Variants in ZUP1 observed in about 807,000 individuals in gnomAD.
ZUP1 encodes zinc finger-containing ubiquitin peptidase 1.
In ZUP1, 55 loss-of-function variants were observed where a neutral mutation model predicts 68.1. The observed-to-expected ratio is 0.81, with a 90% CI of 0.65 to 1.01. ZUP1 has a LOEUF of 1.01. Ranked by LOEUF, ZUP1 falls within the 50% of genes least tolerant of loss-of-function variation. The pLI is 0.00. For missense variants in ZUP1, 684 were observed against 674.9 expected (o/e 1.01, Z -0.15); for synonymous variants, 223 against 221.5 (o/e 1.01, Z -0.06).
chr6:116,657,473 A>G (rs1260754110), intron 4 of ZUP1, among the ~76,000 whole-genome samples: 2 of 152,244 alleles, frequency 1.3e-5, no homozygotes, highest in Non-Finnish European at 2.9e-5. Context: ...TTTAAATTAC[A>G]TAAGGCATAA....
At position 116,647,504 on chromosome 6, in the gene ZUP1, T is replaced by C. The variant is rs376002666; in HGVS notation, c.1423A>G (p.Lys475Glu). Residue 475 changes from lysine (K) to glutamate (E), a missense_variant, in exon 8 of 10, where the codon AAG becomes GAG. Transcript: ENST00000368576. The stretch of plus-strand genomic sequence containing the variant: ...GGAGGTTTAGATGTACACACTACCT[T>C]TGGACTCCCTTCTCCCTCTGAAGAA... ...YYSSEGEGSP[K>E]VVCTSKPPIY... 10 of 1,598,352 alleles carry C rather than the reference T, an allele frequency of 6.3e-6. No homozygotes were observed. The highest frequency in any genetic ancestry group is 1.3e-5 in the African/African-American group (1 of 74,760).
chr6:116,657,004 AACACACACAC>A (rs3033987), intron 4 of ZUP1, 152 bp from the exon 5 acceptor site: 2 of 413,116 alleles, frequency 4.8e-6, no homozygotes, highest in African/African-American at 4.3e-5. Flanking sequence ...AAAAACTAAT[AACACACACAC>A]ACACACACAC....
chr6:116,665,883 A>ACCTGGCTC (rs1260845704), intron 2 of ZUP1, among the ~76,000 whole-genome samples: 4 of 151,268 alleles, frequency 2.6e-5, no homozygotes, highest in African/African-American at 9.7e-5. Flanking sequence ...GAGCCACAAC[A>ACCTGGCTC]CCTGGCTCCA....
In ZUP1 at chr6:116,667,169, A is replaced by C. The variant is rs1380921499; in HGVS notation, c.24T>G (p.Gly8=). The change falls in exon 2 of 10, where the codon GGT becomes GGG. Residue 8 remains glycine, a synonymous_variant. Coordinates refer to ENST00000368576, the MANE Select transcript of ZUP1 (RefSeq NM_145062.3). MLSCNIC[G]ETVTSEPDMK... is the part of the protein sequence containing the mutation. ...TGTCTGGTTCTGAGGTTACTGTTTCACCACAAATATTACAGGAAAGCATGG... is the reference window on the plus strand; with the variant it reads ...TGTCTGGTTCTGAGGTTACTGTTTCCCCACAAATATTACAGGAAAGCATGG... 6.3e-7 allele frequency: 1 copy of C among 1,590,374 alleles called. No individual in the cohort carries two copies. Among genetic ancestry groups the C allele is most frequent in the East Asian group, 2.3e-5 (1 of 44,404 alleles).
chr6:116,649,551 C>G (rs954613856), intron 7 of ZUP1, among the ~76,000 whole-genome samples: 1 of 152,062 alleles, frequency 6.6e-6, no homozygotes, highest in Non-Finnish European at 1.5e-5. Flanking sequence ...GGTTTGAGAA[C>G]AGTGAGGCTA....
chr6:116,667,216 G>C lies in ZUP1; in HGVS notation c.-15-9C>G, dbSNP rs748587907. On this transcript the variant is annotated splice_polypyrimidine_tract_variant and intron_variant, in intron 1 of 9. Transcript: ENST00000368576. ...ATGGTATTGACAAGTAGCTAGAAAA[G>C]AACATAACATTAGGTTTCAAAGATT... The C allele has an allele frequency of 8.8e-6, 13 of 1,475,230 alleles. No individual in the cohort carries two copies. Among genetic ancestry groups the C allele is most frequent in the Non-Finnish European group, 1.1e-5 (12 of 1,105,622 alleles). The allele number at this position is 1,475,230 out of a possible 1,614,324, so 91.4% of individuals were successfully genotyped here. A position where few individuals can be genotyped will look rare whatever the true frequency, so the allele number is the denominator to read the frequency against.
At chr6:116,644,355 C>G (rs754321910) in intron 9 of ZUP1, among the ~76,000 whole-genome samples, 1 of 152,110 alleles carries the variant, frequency 6.6e-6, no homozygotes, top group Admixed American at 6.6e-5. Context: ...ACCCAAAGGA[C>G]TATAAATCAT....
chr6:116,665,757 T>G (rs1583382113), intron 2 of ZUP1, among the ~76,000 whole-genome samples: 1 of 148,882 alleles, frequency 6.7e-6, no homozygotes, highest in East Asian at 1.9e-4. Context: ...TTTTTTGGTT[T>G]TTTTTTTTTT....
At chr6:116,639,578 G>C (rs1314131620) in intron 9 of ZUP1, among the ~76,000 whole-genome samples, 1 of 152,132 alleles carries the variant, frequency 6.6e-6, no homozygotes, top group Non-Finnish European at 1.5e-5. Context: ...CCAGGCAAAC[G>C]GTCTGGAGTG....
intron 9 of ZUP1, among the ~76,000 whole-genome samples, chr6:116,640,890 T>C (rs565551897): frequency 1.9e-4 from 28 of 149,360 alleles, no homozygotes; most frequent in Admixed American, 1.6e-3. Context: ...AGACACAGAC[T>C]GGCAAATTGG....
intron 7 of ZUP1, among the ~76,000 whole-genome samples, chr6:116,650,548 T>A (rs1405615161): frequency 6.6e-6 from 1 of 151,852 alleles, no homozygotes; most frequent in East Asian, 1.9e-4. Context: ...TGTATGCCAG[T>A]CACAGTTCTA....
chr6:116,642,489 T>C (rs904043365), intron 9 of ZUP1, among the ~76,000 whole-genome samples: 2 of 152,056 alleles, frequency 1.3e-5, no homozygotes, highest in Non-Finnish European at 2.9e-5. Flanking sequence ...TTATCCACCA[T>C]GATCAAGTGA....
chr6:116,651,913 AC>A (rs1397384403), intron 6 of ZUP1, 90 bp downstream of exon 6: 1 of 1,432,850 alleles, frequency 7.0e-7, no homozygotes, highest in African/African-American at 1.5e-5. Flanking sequence ...ATATCCACTA[AC>A]TGTTAAAGCT....
intron 6 of ZUP1, 66 bp from the exon 7 acceptor site, chr6:116,651,803 T>C: frequency 6.4e-7 from 1 of 1,561,066 alleles, no homozygotes; most frequent in Non-Finnish European, 8.7e-7. Context: ...TTTAGCAGTG[T>C]ATTATGTACT....
Position 116,666,713 on chromosome 6 carries a change from T to G in ZUP1, c.480A>C (p.Gly160=). ...TATCTTCACTGTGCTCCTCTATTTT[T>G]CCACAGAATGGACATTCAGGAGGAC... is the stretch of plus-strand genomic sequence containing the variant. ...TYSPPECPFC[G]KIEEHSEDME... is the part of the protein sequence containing the mutation. Residue 160 remains glycine (G), a synonymous_variant, in exon 2 of 10, where the codon GGA becomes GGC. Transcript: ENST00000368576. The G allele has an allele frequency of 6.2e-7, 1 of 1,613,546 alleles. No homozygotes were observed. Among genetic ancestry groups the G allele is most frequent in the Non-Finnish European group, 8.5e-7 (1 of 1,179,844 alleles).
In ZUP1 at chr6:116,662,254, A is replaced by G. The variant is rs571525324; in HGVS notation, c.560-1408T>C. Among the ~76,000 whole-genome samples the G allele has an allele frequency of 3.0e-4, 45 of 152,322 alleles. No individual in the cohort carries two copies. The South Asian group carries it at 6.2e-3, about 21-fold the overall frequency. On this transcript the variant is annotated intron_variant, in intron 2 of 9. Coordinates refer to ENST00000368576, the MANE Select transcript of ZUP1 (RefSeq NM_145062.3). ...ATAAAATGCCTTAGAGCCAGAGCCA[A>G]TGCCAAGGAGGCCTTTGCTTATCGC...
Position 116,652,090 on chromosome 6 carries a change from T to C in ZUP1, c.1064A>G (p.Asp355Gly), listed in dbSNP as rs1170500534. The stretch of plus-strand genomic sequence containing the variant: ...TCTGTAACCACAACCCCAACCTTTG[T>C]CGCCTAAAGATGAATGAAAGTGATC... ...VVDHFHSSLG[D>G]KGWGCGYRNF... Residue 355 changes from aspartate (D) to glycine (G), a missense_variant, in exon 6 of 10, where the codon GAC becomes GGC. By Grantham distance (94) the Asp-to-Gly change is moderately conservative (BLOSUM62 -1). Coordinates refer to ENST00000368576, the MANE Select transcript of ZUP1 (RefSeq NM_145062.3). 3 of 1,613,888 alleles carry C rather than the reference T, an allele frequency of 1.9e-6. No individual in the cohort carries two copies. The highest frequency in any genetic ancestry group is 4.5e-5 in the East Asian group (2 of 44,884).
chr6:116,636,577 A>T (rs143946030), intron 9 of ZUP1, among the ~76,000 whole-genome samples: 1 of 152,276 alleles, frequency 6.6e-6, no homozygotes, highest in Non-Finnish European at 1.5e-5. Flanking sequence ...AAATTAGTAG[A>T]CACTCAAAAC....
chr6:116,661,613 C>CA (rs1292570359), intron 2 of ZUP1, among the ~76,000 whole-genome samples: 1 of 152,094 alleles, frequency 6.6e-6, no homozygotes, highest in Non-Finnish European at 1.5e-5. Context: ...TCTAGCTTGC[C>CA]AAAAACAGAA....
Sources: gnomAD v4.1 joint callset for allele counts (sites outside exome capture counted in the v4.1 genomes callset) on GRCh38, gnomAD v4.1.1 for gene constraint, MANE v1.5 for transcripts, NCBI Gene and HGNC (gene_info 2026-07-23, HGNC 2026-07-21) for gene names.